The following MTMR3 variants were observed in gnomAD, a reference collection of about 807,000 sequenced individuals.
The protein encoded by MTMR3 is phosphatidylinositol-3,5-bisphosphate 3-phosphatase MTMR3.
MTMR3 carries 32 observed loss-of-function variants against 132.4 expected under a neutral mutation model. The observed-to-expected ratio is 0.24, with a 90% confidence interval of 0.18 to 0.32. The LOEUF (loss-of-function observed/expected upper bound fraction) is 0.32. MTMR3 is among the 10% of genes least tolerant of loss of function. The pLI is 1.00. For synonymous variants in MTMR3, 556 were observed against 550.3 expected, an observed-to-expected ratio of 1.01 and a Z score of -0.14; for missense variants, 1,216 against 1,489.6, an observed-to-expected ratio of 0.82 and a Z score of 3.02.
intron 1 of MTMR3, among the ~76,000 whole-genome samples, chr22:29,918,315 G>A (rs1409441863): frequency 6.6e-6 from 1 of 152,144 alleles, no homozygotes; most frequent in African/African-American, 2.4e-5. Context: ...TGAAAAATAA[G>A]TCCATGGTGT....
At chr22:30,018,309 G>A (rs953639231) in intron 16 of MTMR3, 20 of 447,214 alleles carry the variant, frequency 4.5e-5, no homozygotes, top group Non-Finnish European at 6.2e-5. Context: ...ACACTGAGCC[G>A]CTCCTCAGTG....
At position 30,026,673 on chromosome 22, in the gene MTMR3, C is replaced by G. The variant is rs1179939667; in HGVS notation, c.*872C>G. Reference sequence around the variant, plus strand: ...AAAGCCTGCCCTGAGCCCAGACACACCTGGGTCCCCATTCTGGGGCCTGGT... The same window carrying G: ...AAAGCCTGCCCTGAGCCCAGACACAGCTGGGTCCCCATTCTGGGGCCTGGT... On this transcript the variant is annotated 3_prime_UTR_variant, in exon 20 of 20. Coordinates refer to ENST00000401950, the MANE Select transcript of MTMR3 (RefSeq NM_021090.4). The G allele has an allele frequency of 6.5e-6, 1 of 152,930 alleles. No homozygotes were observed. Among genetic ancestry groups the G allele is most frequent in the Non-Finnish European group, 1.5e-5 (1 of 68,174 alleles). 9.5% of individuals were successfully genotyped at this position (152,930 alleles called of 1,614,324 possible).
intron 5 of MTMR3, chr22:29,987,816 G>T (rs1027444696): frequency 1.3e-5 from 2 of 152,154 alleles, no homozygotes; most frequent in African/African-American, 4.8e-5. Flanking sequence ...CTGATTTTTT[G>T]AAGCAAATCT....
chr22:30,007,707 A>C (rs980531400), intron 10 of MTMR3, 194 bp from the exon 11 acceptor site: 4 of 657,446 alleles, frequency 6.1e-6, no homozygotes, highest in Non-Finnish European at 1.0e-5. Flanking sequence ...GTTTTGGAGA[A>C]TAAATCCTTC....
intron 7 of MTMR3, chr22:29,994,405 A>C (rs971959858): frequency 7.9e-5 from 12 of 152,292 alleles, no homozygotes; most frequent in South Asian, 4.1e-4. Flanking sequence ...AAAAAAAAAA[A>C]AAAAAACACC....
rs71328819 is a variant in MTMR3 at position 29,982,211 on chromosome 22, TAAAAAAAAAAAAAA to T, written c.210+3176_210+3189del. ...GTGACAGAGCGAGACTCTGTCTCAT[TAAAAAAAAAAAAAA>T]AAAAAAAAAAAAAAAATTTCAGATT... On this transcript the variant is annotated intron_variant, in intron 5 of 19. Coordinates refer to ENST00000401950, the MANE Select transcript of MTMR3 (RefSeq NM_021090.4). The T allele has an allele frequency of 9.7e-5, 4 of 41,142 alleles. No homozygotes were observed. In the Admixed American group the frequency reaches 1.2e-3, roughly 12 times the overall value. 2.5% of individuals were successfully genotyped at this position (41,142 alleles called of 1,614,324 possible). A position where few individuals can be genotyped will look rare whatever the true frequency, so the allele number is the denominator to read the frequency against.
intron 2 of MTMR3, 143 bp downstream of exon 2, chr22:29,957,231 C>T (rs1602563001): frequency 1.4e-5 from 2 of 142,070 alleles, no homozygotes; most frequent in South Asian, 2.2e-4. Context: ...ATGAGTTTTT[C>T]TATGTTCACT....
At chr22:29,915,960 A>G (rs1180424758) in intron 1 of MTMR3, among the ~76,000 whole-genome samples, 1 of 151,750 alleles carries the variant, frequency 6.6e-6, no homozygotes, top group Non-Finnish European at 1.5e-5. Context: ...GATACCTTTA[A>G]CTTACGACAT....
At chr22:29,919,468 T>C (rs1326470296) in intron 1 of MTMR3, among the ~76,000 whole-genome samples, 1 of 152,216 alleles carries the variant, frequency 6.6e-6, no homozygotes, top group Non-Finnish European at 1.5e-5. Flanking sequence ...AAATACCAGA[T>C]AAGATATGTG....
intron 12 of MTMR3, chr22:30,009,944 A>T (rs2067370426): frequency 6.6e-6 from 1 of 152,192 alleles, no homozygotes; most frequent in Admixed American, 6.5e-5. Context: ...TGCGTTCTTT[A>T]TTTGATTTAT....
intron 14 of MTMR3, 179 bp downstream of exon 14, chr22:30,013,720 A>C: frequency 1.7e-6 from 1 of 577,870 alleles, no homozygotes; most frequent in East Asian, 3.5e-5. Flanking sequence ...GAGAAAATCC[A>C]GGTATACCAG....
At chr22:29,895,198 A>G (rs2064871016) in intron 1 of MTMR3, among the ~76,000 whole-genome samples, 1 of 150,736 alleles carries the variant, frequency 6.6e-6, no homozygotes, top group Non-Finnish European at 1.5e-5. Context: ...ACAGAGGGAG[A>G]CTCCATCTCA....
chr22:30,022,801 G>C, intron 19 of MTMR3, 104 bp downstream of exon 19: 2 of 1,026,756 alleles, frequency 1.9e-6, no homozygotes, highest in Non-Finnish European at 2.9e-6. Context: ...TGTTCTGTCT[G>C]AGGCAGAGCC....
chr22:29,942,686 A>C (rs936061995), intron 1 of MTMR3, among the ~76,000 whole-genome samples: 2 of 152,230 alleles, frequency 1.3e-5, no homozygotes, highest in Admixed American at 1.3e-4. Flanking sequence ...TGAGAAAAAG[A>C]ATTCAGCGAT....
rs377487637 is a variant in MTMR3 at position 30,020,175 on chromosome 22, G to C, written c.2516G>C (p.Gly839Ala). 6.2e-7 allele frequency: 1 copy of C among 1,614,234 alleles called. No homozygotes were observed. The highest frequency in any genetic ancestry group is 8.5e-7 in the Non-Finnish European group (1 of 1,180,044). ...LPSQVPFETR[G>A]PNVDSSTDML... ...TCCCAAGTCCCTTTTGAGACCAGAG[G>C]ACCAAACGTGGACAGTTCTACAGAC... Residue 839 changes from glycine (G) to alanine (A), a missense_variant, in exon 17 of 20, where the codon GGA becomes GCA. Physicochemically the swap from Gly to Ala is moderately conservative, Grantham distance 60. Coordinates refer to ENST00000401950, the MANE Select transcript of MTMR3 (RefSeq NM_021090.4).
intron 2 of MTMR3, among the ~76,000 whole-genome samples, chr22:29,970,349 T>C (rs1652013253): frequency 6.6e-6 from 1 of 152,164 alleles, no homozygotes; most frequent in Non-Finnish European, 1.5e-5. Context: ...TATTTATTTT[T>C]TTGAGACAGA....
At chr22:29,921,239 C>T (rs963911552) in intron 1 of MTMR3, among the ~76,000 whole-genome samples, 3 of 151,928 alleles carry the variant, frequency 2.0e-5, no homozygotes, top group African/African-American at 7.3e-5. Context: ...TGTCATGTGG[C>T]GAGGGGCAGC....
At position 29,915,062 on chromosome 22, in the gene MTMR3, A is replaced by C. The variant is rs150251146; in HGVS notation, c.-138+31703A>C. On this transcript the variant is annotated intron_variant, in intron 1 of 19. Coordinates refer to ENST00000401950, the MANE Select transcript of MTMR3 (RefSeq NM_021090.4). ...TTTGAGATTTGTTTTGTGGTAAGGCATATGGTCTATTGTGGTGAATGTTTT... is the reference window on the plus strand; with the variant it reads ...TTTGAGATTTGTTTTGTGGTAAGGCCTATGGTCTATTGTGGTGAATGTTTT... Among the ~76,000 whole-genome samples, 682 of 152,298 alleles carry C rather than the reference A, an allele frequency of 4.5e-3. 6 individuals are homozygous for C. Among genetic ancestry groups the C allele is most frequent in the African/African-American group, 0.015 (644 of 41,566 alleles).
At chr22:29,950,114 G>T (rs750833822) in intron 1 of MTMR3, among the ~76,000 whole-genome samples, 14 of 152,144 alleles carry the variant, frequency 9.2e-5, no homozygotes, top group African/African-American at 1.4e-4. Context: ...CAAAAGTCAG[G>T]AAACCTTTTT....
Sources: allele counts gnomAD v4.1 joint callset (sites outside exome capture counted in the v4.1 genomes callset), GRCh38; gene constraint gnomAD v4.1.1; transcripts MANE v1.5; gene names NCBI Gene and HGNC (gene_info 2026-07-23, HGNC 2026-07-21).